The following MYH7B variants were observed in gnomAD, a reference collection of about 807,000 sequenced individuals.
The protein encoded by MYH7B is myosin heavy chain 7B.
Under a neutral mutation model 234.5 loss-of-function variants are expected in MYH7B, and 205 were observed. The observed-to-expected ratio is 0.87, with a 90% CI of 0.78 to 0.98. The LOEUF (loss-of-function observed/expected upper bound fraction) is 0.98, where lower values mean the gene tolerates loss of function less well. Among genes scored for constraint, MYH7B ranks in the 50% least tolerant of loss-of-function variants. MYH7B has a pLI of 0.00. For synonymous variants in MYH7B, 1,193 were observed against 1,105.0 expected (o/e 1.08, Z -1.58); for missense variants, 2,652 against 2,633.4 (o/e 1.01, Z -0.15).
At chr20:34,997,847 C>T (rs1351509658) in intron 32 of MYH7B, among the ~76,000 whole-genome samples, 2 of 152,142 alleles carry the variant, frequency 1.3e-5, no homozygotes, top group Non-Finnish European at 2.9e-5. Flanking sequence ...GACTCCAGGT[C>T]ATTTCTGATC....
intron 2 of MYH7B, among the ~76,000 whole-genome samples, chr20:34,968,178 C>T (rs1191445385): frequency 6.6e-6 from 1 of 152,236 alleles, no homozygotes; most frequent in Non-Finnish European, 1.5e-5. Flanking sequence ...TGCCCAGGGT[C>T]ACTCAGCTTG....
intron 5 of MYH7B, among the ~76,000 whole-genome samples, chr20:34,978,673 G>A (rs761022623): frequency 6.6e-6 from 1 of 152,150 alleles, no homozygotes; most frequent in Non-Finnish European, 1.5e-5. Context: ...TTCACAGGGC[G>A]CCAGGCTAAG....
intron 32 of MYH7B, 134 bp from the exon 33 acceptor site, chr20:34,998,161 G>T: frequency 9.4e-7 from 1 of 1,062,016 alleles, no homozygotes; most frequent in East Asian, 2.4e-5. Context: ...CTTTGAACTT[G>T]GGGCTCTGCT....
intron 2 of MYH7B, among the ~76,000 whole-genome samples, chr20:34,965,712 G>GT (rs2081735697): frequency 6.6e-6 from 1 of 152,242 alleles, no homozygotes; most frequent in Non-Finnish European, 1.5e-5. Flanking sequence ...GTCAAAGGAA[G>GT]CCCCTTTGAG....
chr20:34,990,138 C>G (rs1313222592), exon 21 of MYH7B: 1 of 1,614,166 alleles, frequency 6.2e-7, no homozygotes, highest in South Asian at 1.1e-5. Flanking sequence ...TATGCGGGCT[C>G]CTGCTCCAGT....
rs756222622 is a variant in MYH7B at position 34,997,178 on chromosome 20, G to A, written c.3357+5G>A. The A allele has an allele frequency of 5.5e-5, 85 of 1,550,128 alleles. 1 individual carries two copies. The highest frequency in any genetic ancestry group is 2.2e-4 in the East Asian group (9 of 41,070). ...AAGAAGATCAAGGAGCTGCAGGTGC[G>A]TGGGGATCGGGTGGGTGAGGCCTGG... On this transcript the variant is annotated splice_donor_5th_base_variant and intron_variant, in intron 31 of 44. Transcript: ENST00000262873.
intron 13 of MYH7B, 106 bp downstream of exon 13, chr20:34,985,235 C>A: frequency 1.9e-6 from 2 of 1,052,114 alleles, no homozygotes; most frequent in Non-Finnish European, 2.9e-6. Flanking sequence ...GCTCTGGGCA[C>A]TTCTCTCTAC....
intron 24 of MYH7B, among the ~76,000 whole-genome samples, chr20:34,991,856 T>G (rs551257433): frequency 6.6e-6 from 1 of 152,350 alleles, no homozygotes; most frequent in East Asian, 1.9e-4. Context: ...TTGTTTTTTC[T>G]AACAGTCTGG....
chr20:34,983,949 G>A (rs529704642), intron 10 of MYH7B, among the ~76,000 whole-genome samples: 82 of 152,326 alleles, frequency 5.4e-4, no homozygotes, highest in African/African-American at 1.6e-3. Context: ...AAGGGAAAGT[G>A]AGGATGAGGC....
At chr20:34,973,050 T>A (rs1225735682) in intron 2 of MYH7B, among the ~76,000 whole-genome samples, 2 of 152,130 alleles carry the variant, frequency 1.3e-5, no homozygotes, top group African/African-American at 4.8e-5. Context: ...AATAAATAAA[T>A]AAAAATGCCT....
chr20:34,988,056 G>A (rs755544156), intron 18 of MYH7B, 36 bp from the exon 19 acceptor site: 20 of 1,594,626 alleles, frequency 1.3e-5, no homozygotes, highest in South Asian at 3.4e-5. Context: ...CCCCATCTGC[G>A]AGAGGTCTGC....
chr20:34,957,899 T>C (rs1600399974), intron 1 of MYH7B, among the ~76,000 whole-genome samples, 199 bp from the exon 2 acceptor site: 1 of 152,178 alleles, frequency 6.6e-6, no homozygotes, highest in South Asian at 2.1e-4. Context: ...GGCAGATAGG[T>C]GTCTGGTTAT....
intron 14 of MYH7B, among the ~76,000 whole-genome samples, 172 bp downstream of exon 14, chr20:34,986,370 C>T (rs1168250033): frequency 3.3e-5 from 5 of 152,336 alleles, no homozygotes; most frequent in Non-Finnish European, 7.4e-5. Flanking sequence ...GAACAGTCCT[C>T]TTAGCTCCAG....
chr20:34,964,654 C>T (rs1332353803), intron 2 of MYH7B, among the ~76,000 whole-genome samples: 1 of 152,200 alleles, frequency 6.6e-6, no homozygotes, highest in Non-Finnish European at 1.5e-5. Context: ...CGCGGTGGCT[C>T]ACGCCTGTAA....
intron 2 of MYH7B, among the ~76,000 whole-genome samples, chr20:34,968,811 C>T (rs956428600): frequency 9.2e-5 from 14 of 152,138 alleles, no homozygotes; most frequent in Middle Eastern, 3.4e-3. Flanking sequence ...GCACAGCGCA[C>T]GTAGCGTAGA....
In MYH7B at chr20:34,961,148, A is replaced by T. The variant is rs572123265; in HGVS notation, c.-222+2936A>T. 2.0e-5 allele frequency among the ~76,000 whole-genome samples: 3 copies of T among 152,292 alleles called. No homozygotes were observed. In the East Asian group the frequency reaches 5.8e-4, roughly 29 times the overall value. On this transcript the variant is annotated intron_variant, in intron 2 of 44. Transcript: ENST00000262873. ...GGACACAGAAGGTTAGAAAGGGGAGATAACTTACTTATAGACCCTCTTCTC... is the reference window on the plus strand; with the variant it reads ...GGACACAGAAGGTTAGAAAGGGGAGTTAACTTACTTATAGACCCTCTTCTC...
chr20:35,000,923 TG>T, intron 40 of MYH7B, 30 bp downstream of exon 40: 1 of 1,609,988 alleles, frequency 6.2e-7, no homozygotes, highest in Non-Finnish European at 8.5e-7. Context: ...GTGGGGAGCC[TG>T]GGACAGAATT....
chr20:34,990,158 G>C lies in MYH7B; in HGVS notation c.1900+12G>C. On this transcript the variant is annotated intron_variant, in intron 21 of 44. Coordinates refer to ENST00000262873, the Ensembl canonical transcript of MYH7B. The stretch of plus-strand genomic sequence containing the variant: ...GGGCTCCTGCTCCAGTGAGTATGGA[G>C]GGACAAGATCTCCACTCTGACAGGG... The C allele has an allele frequency of 6.2e-7, 1 of 1,614,054 alleles. No individual in the cohort carries two copies. The highest frequency in any genetic ancestry group is 8.5e-7 in the Non-Finnish European group (1 of 1,180,014).
intron 7 of MYH7B, 69 bp from the exon 8 acceptor site, chr20:34,980,509 G>T: frequency 7.1e-7 from 1 of 1,399,060 alleles, no homozygotes; most frequent in Non-Finnish European, 1.0e-6. Context: ...TTGTACTCCA[G>T]CCTGGGAGAC....
Sources: allele counts gnomAD v4.1 joint callset (sites outside exome capture counted in the v4.1 genomes callset), GRCh38; gene constraint gnomAD v4.1.1; transcripts MANE v1.5; gene names NCBI Gene and HGNC (gene_info 2026-07-23, HGNC 2026-07-21).